Variants in DNAH6 observed in about 807,000 individuals in gnomAD.
DNAH6 encodes dynein axonemal heavy chain 6, also known as axonemal beta dynein heavy chain 6.
Under a neutral mutation model 491.4 loss-of-function variants are expected in DNAH6, and 340 were observed. The observed-to-expected ratio is 0.69, with a 90% CI of 0.63 to 0.76. The LOEUF is 0.76. DNAH6 is among the 30% of genes least tolerant of loss of function. The pLI is 0.00. For missense variants in DNAH6, 4,443 were observed against 4,972.2 expected, an observed-to-expected ratio of 0.89 and a Z score of 3.20; for synonymous variants, 1,603 against 1,686.1, an observed-to-expected ratio of 0.95 and a Z score of 1.21.
At chr2:84,709,068 G>A (rs969087915) in intron 54 of DNAH6, among the ~76,000 whole-genome samples, 3 of 152,318 alleles carry the variant, frequency 2.0e-5, no homozygotes, top group African/African-American at 4.8e-5. Context: ...AAACCACTGC[G>A]ACAACCCAGT....
At chr2:84,571,150 T>C (rs1401040395) in intron 11 of DNAH6, among the ~76,000 whole-genome samples, 1 of 152,172 alleles carries the variant, frequency 6.6e-6, no homozygotes, top group Admixed American at 6.5e-5. Flanking sequence ...ACTAATTGAA[T>C]GAGTGAGAAG....
rs1452702281 is a variant in DNAH6, at chr2:84,699,625, A to G, written c.7709A>G (p.Gln2570Arg). The G allele has an allele frequency of 1.3e-6, 2 of 1,551,694 alleles. No homozygotes were observed. The highest frequency in any genetic ancestry group is 2.0e-5 in the Admixed American group (1 of 50,958). ...VFQYFISKVRQKLHIVLCMSP... is the reference protein window; with the variant it reads ...VFQYFISKVRRKLHIVLCMSP... ...CAATACTTTATCAGCAAAGTGCGTC[A>G]GAAGCTGCACATTGTTCTCTGCATG... is the stretch of plus-strand genomic sequence containing the variant. The change falls in exon 48 of 77, where the codon CAG becomes CGG. Residue 2570 changes from glutamine (Q) to arginine (R), a missense_variant. Gln to Arg is a conservative substitution (Grantham distance 43). Coordinates refer to ENST00000389394, the MANE Select transcript of DNAH6 (RefSeq NM_001370.2).
At chr2:84,585,989 C>CT (rs1224985050) in intron 15 of DNAH6, among the ~76,000 whole-genome samples, 2 of 152,234 alleles carry the variant, frequency 1.3e-5, no homozygotes, top group Admixed American at 6.5e-5. Context: ...ATTCAGGAAT[C>CT]TATCTGCCTC....
At chr2:84,783,235 T>A (rs1676857748) in intron 65 of DNAH6, among the ~76,000 whole-genome samples, 1 of 152,210 alleles carries the variant, frequency 6.6e-6, no homozygotes, top group African/African-American at 2.4e-5. Flanking sequence ...CATATCTTTT[T>A]TCTGGGCCAG....
chr2:84,717,270 A>C (rs746621249), intron 58 of DNAH6, among the ~76,000 whole-genome samples: 1 of 152,220 alleles, frequency 6.6e-6, no homozygotes, highest in Non-Finnish European at 1.5e-5. Flanking sequence ...CTTTATCTTA[A>C]AAATTCCTTA....
the DNAH6 span, among the ~76,000 whole-genome samples, chr2:84,488,318 T>C: frequency 6.6e-6 from 1 of 151,842 alleles, no homozygotes; most frequent in Non-Finnish European, 1.5e-5. Flanking sequence ...ATGGCACATG[T>C]ATACATATGT....
chr2:84,566,305 C>G (rs1415903947), intron 11 of DNAH6, among the ~76,000 whole-genome samples: 1 of 151,904 alleles, frequency 6.6e-6, no homozygotes, highest in African/African-American at 2.4e-5. Flanking sequence ...CTCAGTTATT[C>G]TAGAATATTG....
intron 62 of DNAH6, among the ~76,000 whole-genome samples, chr2:84,736,397 T>C (rs1699541611): frequency 6.6e-6 from 1 of 152,178 alleles, no homozygotes; most frequent in Non-Finnish European, 1.5e-5. Context: ...ATTGGTAATT[T>C]GATAGGAATA....
rs866367841 is a variant in DNAH6, at chr2:84,611,761, G to A, written c.3382G>A (p.Ala1128Thr). 1 of 1,551,224 alleles carries A rather than the reference G, an allele frequency of 6.4e-7. No homozygotes were observed. ...CATTCAGAGGCAATTGCCTGCAGAG[G>A]CCAAGATGTTCCTTCAGGTGGATAA... ...PDIQRQLPAE[A>T]KMFLQVDKSW... Residue 1128 changes from alanine to threonine, a missense_variant, in exon 22 of 77, where the codon GCC (alanine) becomes ACC (threonine). Coordinates refer to ENST00000389394, the MANE Select transcript of DNAH6 (RefSeq NM_001370.2).
intron 2 of DNAH6, among the ~76,000 whole-genome samples, chr2:84,519,613 A>C (rs955514831): frequency 1.3e-4 from 18 of 139,762 alleles, no homozygotes; most frequent in South Asian, 2.4e-4. Flanking sequence ...TCTTCTTCCT[A>C]TTCTCCTCTT....
the DNAH6 span, among the ~76,000 whole-genome samples, chr2:84,479,966 G>A: frequency 6.6e-6 from 1 of 152,208 alleles, no homozygotes; most frequent in Non-Finnish European, 1.5e-5. Flanking sequence ...TGAAATTAGT[G>A]AGAGTGCTGG....
At chr2:84,802,744 A>G (rs1317582188) in intron 70 of DNAH6, among the ~76,000 whole-genome samples, 1 of 152,182 alleles carries the variant, frequency 6.6e-6, no homozygotes, top group Non-Finnish European at 1.5e-5. Flanking sequence ...TCCACCAATA[A>G]CCAAAGAATA....
chr2:84,782,644 C>T (rs957106004), intron 65 of DNAH6, among the ~76,000 whole-genome samples: 3 of 152,136 alleles, frequency 2.0e-5, no homozygotes, highest in Non-Finnish European at 2.9e-5. Context: ...TCATTTTTAT[C>T]CACCATTCAG....
chr2:84,547,256 A>G lies in DNAH6; in HGVS notation c.931-12A>G. ...TATTTTTACTAAATAATAAATTCCT[A>G]TTTTCATTCAGCATTTGCGACCAGC... On this transcript the variant is annotated splice_polypyrimidine_tract_variant and intron_variant, in intron 5 of 76. Coordinates refer to ENST00000389394, the MANE Select transcript of DNAH6 (RefSeq NM_001370.2). 4.0e-6 allele frequency: 6 copies of G among 1,511,494 alleles called. No individual in the cohort carries two copies. The highest frequency in any genetic ancestry group is 5.3e-6 in the Non-Finnish European group (6 of 1,126,008). The allele number at this position is 1,511,494 out of a possible 1,614,324, so 93.6% of individuals were successfully genotyped here. A position where few individuals can be genotyped will look rare whatever the true frequency, so the allele number is the denominator to read the frequency against.
chr2:84,737,769 C>T (rs1047101327), intron 62 of DNAH6, among the ~76,000 whole-genome samples: 4 of 151,790 alleles, frequency 2.6e-5, no homozygotes, highest in African/African-American at 7.3e-5. Context: ...TTTATCCTTT[C>T]GAGAAACCAA....
Position 84,553,846 on chromosome 2 carries a change from G to A in DNAH6, c.1602+812G>A, listed in dbSNP as rs182843965. 1.8e-3 allele frequency among the ~76,000 whole-genome samples: 272 copies of A among 152,090 alleles called. 2 individuals carry two copies. The highest frequency in any genetic ancestry group is 5.7e-3 in the African/African-American group (237 of 41,500). The stretch of plus-strand genomic sequence containing the variant: ...TTTTGTTGTCTTAGTTATCCATAGC[G>A]GTGTAACAAGTTACCACAAAGTTAG... On this transcript the variant is annotated intron_variant, in intron 10 of 76. Transcript: ENST00000389394.
chr2:84,651,389 C>G (rs928717091), intron 33 of DNAH6, among the ~76,000 whole-genome samples: 1 of 152,174 alleles, frequency 6.6e-6, no homozygotes, highest in African/African-American at 2.4e-5. Context: ...TTTCAGGAGA[C>G]TTGTTACACC....
chr2:84,472,221 T>A, the DNAH6 span, among the ~76,000 whole-genome samples: 1 of 151,804 alleles, frequency 6.6e-6, no homozygotes, highest in African/African-American at 2.4e-5. Context: ...GCTTGTGTAT[T>A]TGAGTTTTGA....
At chr2:84,589,702 ACCCT>A (rs1683910353) in intron 16 of DNAH6, among the ~76,000 whole-genome samples, 1 of 132,490 alleles carries the variant, frequency 7.5e-6, no homozygotes, top group Non-Finnish European at 1.6e-5. Flanking sequence ...ACAGAGTGAG[ACCCT>A]GTCTCAAAAA....
Sources: allele counts gnomAD v4.1 joint callset (sites outside exome capture counted in the v4.1 genomes callset), GRCh38; gene constraint gnomAD v4.1.1; transcripts MANE v1.5; gene names NCBI Gene and HGNC (gene_info 2026-07-23, HGNC 2026-07-21).